LRTM3: variants seen among roughly 807,000 people sequenced by gnomAD.
The protein encoded by LRTM3 is leucine-rich repeat transmembrane protein 3.
the LRTM3 span, chr13:102,739,724 ATG>A: frequency 6.5e-7 from 1 of 1,549,360 alleles, no homozygotes; most frequent in Non-Finnish European, 8.7e-7. Flanking sequence ...TCCCTGTGAT[ATG>A]TGTTGTTTTG....
the LRTM3 span, chr13:102,746,067 C>G: frequency 1.3e-6 from 2 of 1,550,978 alleles, no homozygotes; most frequent in African/African-American, 2.7e-5. Flanking sequence ...TTTTCTGTTT[C>G]GTTGGCTTTT....
At chr13:102,741,834 T>C in the LRTM3 span, 1 of 1,550,430 alleles carries the variant, frequency 6.4e-7, no homozygotes, top group Non-Finnish European at 8.7e-7. Flanking sequence ...TCATCTGTTC[T>C]AATTCGTGGG....
the LRTM3 span, chr13:102,733,635 T>C: frequency 1.3e-6 from 2 of 1,551,362 alleles, no homozygotes; most frequent in Non-Finnish European, 1.7e-6. Context: ...GTTTTGTATT[T>C]TACAGGCTGA....
At chr13:102,754,719 C>T in the LRTM3 span, among the ~76,000 whole-genome samples, 13 of 152,104 alleles carry the variant, frequency 8.5e-5, no homozygotes. Context: ...TGTCCTTTGG[C>T]CTCTCCCCAC....
At chr13:102,730,042 A>G in the LRTM3 span, 1 of 1,551,446 alleles carries the variant, frequency 6.4e-7, no homozygotes, top group Non-Finnish European at 8.7e-7. Flanking sequence ...TTTCCGCAGT[A>G]TTTGATGAAC....
At chr13:102,747,074 G>C in the LRTM3 span, 1 of 1,551,036 alleles carries the variant, frequency 6.4e-7, no homozygotes, top group Non-Finnish European at 8.7e-7. Flanking sequence ...TTTTGGTAGA[G>C]TTTCTTTGAC....
chr13:102,748,331 A>G, the LRTM3 span: 1 of 1,551,028 alleles, frequency 6.4e-7, no homozygotes, highest in Non-Finnish European at 8.7e-7. Context: ...ATTCACTTGA[A>G]TTTTTATGGC....
chr13:102,755,094 G>A, the LRTM3 span, among the ~76,000 whole-genome samples: 32 of 152,086 alleles, frequency 2.1e-4, no homozygotes, highest in Admixed American at 3.9e-4. Flanking sequence ...TTACTGAGAC[G>A]ATACCTGGTC....
At chr13:102,748,436 TG>T in the LRTM3 span, 2 of 1,551,154 alleles carry the variant, frequency 1.3e-6, no homozygotes, top group East Asian at 2.4e-5. Flanking sequence ...AAAATCTTTT[TG>T]TTTCTGTGTA....
At chr13:102,736,043 CTG>C in the LRTM3 span, 1 of 1,548,258 alleles carries the variant, frequency 6.5e-7, no homozygotes, top group African/African-American at 1.4e-5. Context: ...TATTTTTACT[CTG>C]TCCTTTGCCT....
At chr13:102,731,432 G>A in the LRTM3 span, 1 of 1,551,396 alleles carries the variant, frequency 6.4e-7, no homozygotes, top group Non-Finnish European at 8.7e-7. Context: ...AAGTGCTTTT[G>A]ACTCTAAATG....
the LRTM3 span, chr13:102,745,789 T>C: frequency 6.4e-7 from 1 of 1,551,192 alleles, no homozygotes; most frequent in South Asian, 1.2e-5. Context: ...CCCCAGACTT[T>C]AGAGGTGAAA....
the LRTM3 span, chr13:102,739,457 G>A: frequency 5.2e-6 from 8 of 1,550,394 alleles, no homozygotes; most frequent in South Asian, 1.2e-5. Context: ...TAGAGTTCCT[G>A]ACTTATCTTT....
At chr13:102,745,054 C>A in the LRTM3 span, 3 of 1,550,774 alleles carry the variant, frequency 1.9e-6, no homozygotes, top group African/African-American at 2.7e-5. Context: ...GGAGGCATTT[C>A]TTTGTCTCCT....
chr13:102,741,486 C>T, the LRTM3 span: 2 of 1,549,448 alleles, frequency 1.3e-6, no homozygotes, highest in Admixed American at 2.0e-5. Flanking sequence ...TTTAATCCTT[C>T]TTTTCCCAAT....
chr13:102,755,960 TA>T, the LRTM3 span, among the ~76,000 whole-genome samples: 65 of 98,662 alleles, frequency 6.6e-4, 1 homozygote, highest in African/African-American at 3.2e-3. Context: ...TATATATATA[TA>T]TTTTTTTTTT....
At chr13:102,754,058 T>C in the LRTM3 span, among the ~76,000 whole-genome samples, 1 of 151,870 alleles carries the variant, frequency 6.6e-6, no homozygotes, top group African/African-American at 2.4e-5. Flanking sequence ...ATACAAAAAG[T>C]AGCTGGGCAT....
At chr13:102,740,037 T>G in the LRTM3 span, 1 of 1,550,394 alleles carries the variant, frequency 6.4e-7, no homozygotes, top group Non-Finnish European at 8.7e-7. Flanking sequence ...TTCTGTCCTT[T>G]ACTTTCTTGC....
chr13:102,744,301 G>A, the LRTM3 span: 1 of 1,550,398 alleles, frequency 6.4e-7, no homozygotes. Context: ...CAGATGACAT[G>A]AGGCTGGAGA....
Sources: gnomAD v4.1 joint callset for allele counts (sites outside exome capture counted in the v4.1 genomes callset) on GRCh38, gnomAD v4.1.1 for gene constraint, MANE v1.5 for transcripts, NCBI Gene and HGNC (gene_info 2026-07-23, HGNC 2026-07-21) for gene names.